Variants in TMEM132D observed in about 807,000 individuals in gnomAD.
TMEM132D encodes the protein transmembrane protein 132D, also known as mature OL transmembrane protein.
In TMEM132D, 21 loss-of-function variants were observed where a neutral mutation model predicts 62.3. The observed-to-expected ratio is 0.34, with a 90% CI of 0.24 to 0.49. The LOEUF is 0.49. Ranked by LOEUF, TMEM132D falls within the 20% of genes least tolerant of loss-of-function variation. The probability of loss-of-function intolerance (pLI) is 0.99; values close to 1 mark genes in which losing one functional copy is unlikely to be tolerated. For synonymous variants in TMEM132D, 621 were observed against 575.6 expected (o/e 1.08, Z -1.13); for missense variants, 1,346 against 1,402.8 (o/e 0.96, Z 0.65).
chr12:129,645,507 T>A (rs1191672523), intron 2 of TMEM132D, among the ~76,000 whole-genome samples: 1 of 152,228 alleles, frequency 6.6e-6, no homozygotes, highest in Non-Finnish European at 1.5e-5. Context: ...CGGTGATTTT[T>A]CAGAGAACTT....
intron 5 of TMEM132D, among the ~76,000 whole-genome samples, chr12:129,093,717 G>A (rs1014759756): frequency 5.9e-5 from 9 of 152,224 alleles, no homozygotes; most frequent in African/African-American, 2.2e-4. Flanking sequence ...AAAAGAGCCC[G>A]CATCACCAAG....
intron 4 of TMEM132D, among the ~76,000 whole-genome samples, chr12:129,269,598 G>A (rs557982692): frequency 2.6e-5 from 4 of 152,174 alleles, no homozygotes; most frequent in Non-Finnish European, 5.9e-5. Flanking sequence ...CCGTGGTAGT[G>A]AGAGACAGAA....
At chr12:129,244,317 C>T (rs578185618) in intron 4 of TMEM132D, among the ~76,000 whole-genome samples, 7 of 145,208 alleles carry the variant, frequency 4.8e-5, no homozygotes, top group Admixed American at 7.1e-5. Context: ...GCCCGGGAGG[C>T]GGAGCTTGCA....
chr12:129,546,392 G>A lies in TMEM132D; in HGVS notation c.969-15187C>T, dbSNP rs533534228. Among the ~76,000 whole-genome samples the A allele has an allele frequency of 7.2e-5, 11 of 152,184 alleles. No individual in the cohort carries two copies. In the South Asian group the frequency reaches 2.3e-3, roughly 32 times the overall value. ...GTGTGTATATTATTCATATTAATAG[G>A]AAAGATTATGATGGTTTCCATTTCA... is the stretch of plus-strand genomic sequence containing the variant. On this transcript the variant is annotated intron_variant, in intron 2 of 8. Transcript: ENST00000422113.
intron 1 of TMEM132D, among the ~76,000 whole-genome samples, chr12:129,879,226 G>T (rs1269756617): frequency 6.6e-6 from 1 of 152,144 alleles, no homozygotes; most frequent in Non-Finnish European, 1.5e-5. Context: ...TCCCCAAAAA[G>T]TCTATGCCTC....
intron 2 of TMEM132D, among the ~76,000 whole-genome samples, chr12:129,647,289 CTAGTT>C (rs1223712436): frequency 4.9e-4 from 63 of 128,734 alleles, no homozygotes; most frequent in African/African-American, 1.8e-3. Context: ...ACATGCAGCT[CTAGTT>C]TATTTATTTT....
In TMEM132D at chr12:129,307,155, C is replaced by T. The variant is rs561907116; in HGVS notation, c.1299+30479G>A. Among the ~76,000 whole-genome samples, 6 of 151,226 alleles carry T rather than the reference C, an allele frequency of 4.0e-5. 2 individuals carry two copies. Among genetic ancestry groups the T allele is most frequent in the African/African-American group, 1.5e-4 (6 of 41,192 alleles). On this transcript the variant is annotated intron_variant, in intron 4 of 8. Coordinates refer to ENST00000422113, the MANE Select transcript of TMEM132D (RefSeq NM_133448.3). ...ATTCAAATTTGTTTTAAACTTAGTGCTACTAGTTCCAAAATGGGTGCATAT... is the reference window on the plus strand; with the variant it reads ...ATTCAAATTTGTTTTAAACTTAGTGTTACTAGTTCCAAAATGGGTGCATAT...
intron 1 of TMEM132D, among the ~76,000 whole-genome samples, chr12:129,842,097 A>ATTTTTTTTTTTT (rs746315309): frequency 1.0e-3 from 97 of 97,420 alleles, no homozygotes; most frequent in African/African-American, 1.7e-3. Context: ...CGCCCGGCTA[A>ATTTTTTTTTTTT]TTTTTTTTTT....
chr12:129,261,936 C>T (rs945558435), intron 4 of TMEM132D, among the ~76,000 whole-genome samples: 1 of 152,112 alleles, frequency 6.6e-6, no homozygotes, highest in Non-Finnish European at 1.5e-5. Flanking sequence ...TAACAGGATA[C>T]TAAAACATAT....
At chr12:129,898,454 C>T (rs962845439) in intron 1 of TMEM132D, among the ~76,000 whole-genome samples, 12 of 152,224 alleles carry the variant, frequency 7.9e-5, no homozygotes, top group African/African-American at 2.7e-4. Context: ...AAGATATTCA[C>T]ATCCAAATCC....
intron 5 of TMEM132D, among the ~76,000 whole-genome samples, chr12:129,121,260 T>A (rs991544227): frequency 1.3e-5 from 2 of 152,106 alleles, no homozygotes; most frequent in African/African-American, 4.8e-5. Flanking sequence ...CATGCCTGGC[T>A]AATTTTTGTA....
At chr12:129,429,147 C>G (rs977772105) in intron 3 of TMEM132D, among the ~76,000 whole-genome samples, 10 of 149,902 alleles carry the variant, frequency 6.7e-5, no homozygotes, top group African/African-American at 2.0e-4. Flanking sequence ...TCAAGTTACT[C>G]ACTGTAGTCC....
chr12:129,767,088 G>A (rs4760008), intron 1 of TMEM132D, among the ~76,000 whole-genome samples: 146,459 of 152,316 alleles, frequency 0.96, 70,675 homozygotes, highest in East Asian at 1. Flanking sequence ...CCCAGCTGCC[G>A]CCTCAATGAG....
rs114521967 is a variant in TMEM132D at position 129,143,853 on chromosome 12, C to T, written c.1444-59151G>A. Among the ~76,000 whole-genome samples the T allele has an allele frequency of 6.4e-3, 981 of 152,142 alleles. 6 individuals carry two copies. The highest frequency in any genetic ancestry group is 0.021 in the African/African-American group (888 of 41,510). On this transcript the variant is annotated intron_variant, in intron 5 of 8. Coordinates refer to ENST00000422113, the MANE Select transcript of TMEM132D (RefSeq NM_133448.3). ...TTGTTCTTGCTTTTCTCCTGAAGGT[C>T]GATACAATTTGAGAACTCAAATTGT...
chr12:129,426,430 C>T (rs956886357), intron 3 of TMEM132D, among the ~76,000 whole-genome samples: 1 of 150,088 alleles, frequency 6.7e-6, no homozygotes, highest in Non-Finnish European at 1.5e-5. Flanking sequence ...TGCACACATT[C>T]AGGATTCTGT....
intron 3 of TMEM132D, among the ~76,000 whole-genome samples, chr12:129,516,826 A>G (rs1875696841): frequency 6.6e-6 from 1 of 152,224 alleles, no homozygotes; most frequent in Non-Finnish European, 1.5e-5. Context: ...GCCTGAAATC[A>G]AGGTGTTGGC....
intron 4 of TMEM132D, among the ~76,000 whole-genome samples, chr12:129,285,059 A>T (rs1881251716): frequency 6.6e-6 from 1 of 152,182 alleles, no homozygotes; most frequent in Non-Finnish European, 1.5e-5. Flanking sequence ...ATGTTATTTG[A>T]CTTTCACCTC....
At chr12:129,847,397 G>A (rs1445057647) in intron 1 of TMEM132D, among the ~76,000 whole-genome samples, 1 of 152,178 alleles carries the variant, frequency 6.6e-6, no homozygotes, top group Non-Finnish European at 1.5e-5. Flanking sequence ...CAAAACACTG[G>A]AATCACTCTG....
intron 3 of TMEM132D, among the ~76,000 whole-genome samples, chr12:129,518,963 T>A (rs560269680): frequency 6.6e-6 from 1 of 152,300 alleles, no homozygotes. Flanking sequence ...ACATAGGAAG[T>A]TCTTTGAAGC....
Sources: gnomAD v4.1 joint callset for allele counts (sites outside exome capture counted in the v4.1 genomes callset) on GRCh38, gnomAD v4.1.1 for gene constraint, MANE v1.5 for transcripts, NCBI Gene and HGNC (gene_info 2026-07-23, HGNC 2026-07-21) for gene names.